The following C1orf185 variants were observed in gnomAD, a reference collection of about 807,000 sequenced individuals.
C1orf185 encodes uncharacterized protein C1orf185.
Under a neutral mutation model 16.1 loss-of-function variants are expected in C1orf185, and 13 were observed. That is an observed-to-expected ratio of 0.81 (90% confidence interval 0.53 to 1.28). The LOEUF is 1.28. C1orf185 is among the 50% of genes most tolerant of loss of function. The pLI, the probability that C1orf185 is intolerant of heterozygous loss-of-function variation, is 0.00. For missense variants in C1orf185, 220 were observed against 225.2 expected (o/e 0.98, Z 0.15); for synonymous variants, 80 against 76.9 (o/e 1.04, Z -0.21).
chr1:51,106,711 T>G (rs890643248), intron 1 of C1orf185, among the ~76,000 whole-genome samples: 1 of 151,082 alleles, frequency 6.6e-6, no homozygotes, highest in Non-Finnish European at 1.5e-5. Context: ...ACCCATGTAA[T>G]CTCCTCATAA....
At chr1:51,127,412 G>A (rs147833431) in intron 3 of C1orf185, among the ~76,000 whole-genome samples, 434 of 151,554 alleles carry the variant, frequency 2.9e-3, no homozygotes, top group Non-Finnish European at 4.5e-3. Flanking sequence ...CCTCAGCCCC[G>A]GAATAGCTGG....
chr1:51,122,333 T>C (rs1646203576), intron 3 of C1orf185, among the ~76,000 whole-genome samples: 1 of 152,232 alleles, frequency 6.6e-6, no homozygotes, highest in Admixed American at 6.5e-5. Context: ...CCAACATATA[T>C]ATAAGTGCAC....
intron 2 of C1orf185, among the ~76,000 whole-genome samples, chr1:51,117,522 C>T (rs1646166253): frequency 6.6e-6 from 1 of 152,144 alleles, no homozygotes; most frequent in Non-Finnish European, 1.5e-5. Flanking sequence ...TCATCCCTCC[C>T]TCCCCCTAAC....
intron 3 of C1orf185, among the ~76,000 whole-genome samples, chr1:51,119,765 A>C (rs1008022952): frequency 4.6e-5 from 7 of 152,162 alleles, no homozygotes; most frequent in African/African-American, 1.4e-4. Context: ...GCGCTACTGC[A>C]CTCCAGCCTA....
chr1:51,122,493 GT>G (rs1449947195), intron 3 of C1orf185, among the ~76,000 whole-genome samples: 7 of 152,126 alleles, frequency 4.6e-5, no homozygotes, highest in Non-Finnish European at 1.0e-4. Flanking sequence ...AAAGTACAGA[GT>G]CCCACTATAT....
downstream of C1orf185, among the ~76,000 whole-genome samples, chr1:51,149,351 C>T (rs11807353): frequency 6.6e-6 from 1 of 152,106 alleles, no homozygotes; most frequent in Non-Finnish European, 1.5e-5. Context: ...TCATTCCTAT[C>T]CCAAGAGCAA....
At chr1:51,107,272 G>A (rs1280834838) in intron 1 of C1orf185, 1 of 152,254 alleles carries the variant, frequency 6.6e-6, no homozygotes, top group East Asian at 1.9e-4. Flanking sequence ...GTCAGTTGCA[G>A]ATCGAACTCC....
At chr1:51,124,003 A>G (rs1646218352) in intron 3 of C1orf185, among the ~76,000 whole-genome samples, 1 of 151,254 alleles carries the variant, frequency 6.6e-6, no homozygotes, top group Non-Finnish European at 1.5e-5. Flanking sequence ...GCGAGCAATA[A>G]TCCTTTATCA....
At chr1:51,128,770 G>T (rs1327759968) in intron 3 of C1orf185, among the ~76,000 whole-genome samples, 2 of 152,170 alleles carry the variant, frequency 1.3e-5, no homozygotes, top group African/African-American at 4.8e-5. Flanking sequence ...CGGTGAGCTT[G>T]TTGGCTAGCT....
intron 3 of C1orf185, among the ~76,000 whole-genome samples, chr1:51,145,345 TA>T (rs1646392125): frequency 6.8e-6 from 1 of 148,134 alleles, no homozygotes; most frequent in Non-Finnish European, 1.5e-5. Flanking sequence ...CCCATTTTTA[TA>T]AAGACCTTCA....
At chr1:51,125,444 G>A (rs772324712) in intron 3 of C1orf185, among the ~76,000 whole-genome samples, 4 of 152,158 alleles carry the variant, frequency 2.6e-5, no homozygotes, top group African/African-American at 4.8e-5. Context: ...GTAACACTAA[G>A]TCTTCCAGGA....
intron 1 of C1orf185, 141 bp from the exon 2 acceptor site, chr1:51,112,323 G>A (rs2897090): frequency 0.033 from 20,317 of 617,122 alleles, 2,011 homozygotes; most frequent in African/African-American, 0.25. Context: ...GAATTGCATG[G>A]GACTAGAATT....
chr1:51,103,660 G>A lies in C1orf185; in HGVS notation c.16+1411G>A, dbSNP rs372493525. Among the ~76,000 whole-genome samples, 14 of 150,668 alleles carry A rather than the reference G, an allele frequency of 9.3e-5. 1 individual carries two copies. Among genetic ancestry groups the A allele is most frequent in the African/African-American group, 2.7e-4 (11 of 41,030 alleles). On this transcript the variant is annotated intron_variant, in intron 1 of 4. Transcript: ENST00000371759. The stretch of plus-strand genomic sequence containing the variant: ...GCAATTCTCCTGCCTCAGCTGCCCC[G>A]CTAACTGGGACCACAGGTGCCCACC...
At chr1:51,127,498 C>G (rs1646250169) in intron 3 of C1orf185, among the ~76,000 whole-genome samples, 1 of 152,114 alleles carries the variant, frequency 6.6e-6, no homozygotes, top group Non-Finnish European at 1.5e-5. Context: ...GTTGGCCAGG[C>G]TAGTCTCGAG....
downstream of C1orf185, among the ~76,000 whole-genome samples, chr1:51,151,068 A>G (rs2148036909): frequency 6.6e-6 from 1 of 152,376 alleles, no homozygotes; most frequent in Middle Eastern, 3.4e-3. Flanking sequence ...CCCACAGTTG[A>G]CATTGACATA....
intron 1 of C1orf185, among the ~76,000 whole-genome samples, chr1:51,109,345 C>T (rs1029963241): frequency 6.6e-6 from 1 of 152,104 alleles, no homozygotes; most frequent in Non-Finnish European, 1.5e-5. Context: ...GCAAATATTT[C>T]CTGCCATTCT....
intron 1 of C1orf185, among the ~76,000 whole-genome samples, chr1:51,108,586 C>A (rs533858082): frequency 9.2e-5 from 14 of 152,250 alleles, no homozygotes; most frequent in Admixed American, 8.5e-4. Context: ...TCCCTTCCCC[C>A]ACTCCCTTCC....
intron 1 of C1orf185, among the ~76,000 whole-genome samples, chr1:51,106,653 A>G (rs1257049986): frequency 6.6e-6 from 1 of 152,066 alleles, no homozygotes. Context: ...TGCCTCCAAT[A>G]CATATTGGAG....
At chr1:51,114,752 AT>A (rs535841167) in intron 2 of C1orf185, among the ~76,000 whole-genome samples, 165 of 152,272 alleles carry the variant, frequency 1.1e-3, no homozygotes, top group Middle Eastern at 3.4e-3. Context: ...AGACTATCCT[AT>A]AGCTGATTTA....
Sources: allele counts gnomAD v4.1 joint callset (sites outside exome capture counted in the v4.1 genomes callset), GRCh38; gene constraint gnomAD v4.1.1; transcripts MANE v1.5; gene names NCBI Gene and HGNC (gene_info 2026-07-23, HGNC 2026-07-21).